ZNF454: variants seen among roughly 807,000 people sequenced by gnomAD.
ZNF454 encodes the protein zinc finger protein 454.
Under a neutral mutation model 48.2 loss-of-function variants are expected in ZNF454, and 30 were observed. The ratio of observed to expected loss-of-function variants is 0.62; its 90% confidence interval spans 0.47 to 0.84. The LOEUF (loss-of-function observed/expected upper bound fraction) is 0.84, where lower values mean the gene tolerates loss of function less well. ZNF454 is among the 40% of genes least tolerant of loss of function. The pLI is 0.00. For missense variants in ZNF454, 510 were observed against 623.1 expected (o/e 0.82, Z 1.93); for synonymous variants, 204 against 211.4 (o/e 0.97, Z 0.30).
intron 4 of ZNF454, among the ~76,000 whole-genome samples, chr5:178,950,592 C>G (rs1350207293): frequency 6.6e-6 from 1 of 152,188 alleles, no homozygotes; most frequent in East Asian, 1.9e-4. Flanking sequence ...AAAGGCTCAC[C>G]AATGCTCGGT....
the ZNF454 span, chr5:178,982,788 G>A: frequency 1.4e-6 from 1 of 725,794 alleles, no homozygotes; most frequent in East Asian, 2.7e-5. Context: ...GGGAATGAGT[G>A]AATGAACAAG....
chr5:178,989,211 ACCCTC>A, the ZNF454 span: 4 of 121,730 alleles, frequency 3.3e-5, no homozygotes, highest in Non-Finnish European at 5.3e-5. Flanking sequence ...CCCCCTCCCC[ACCCTC>A]ACCACCCTCC....
rs766156003 is a variant in ZNF454, at chr5:178,965,478, T to C, written c.1074T>C (p.Cys358=). Residue 358 remains cysteine (C), a synonymous_variant, in exon 5 of 5, where the codon TGT becomes TGC. Transcript: ENST00000519564. This position sits in a 1 kb window ranked among gnomAD's most constrained non-coding sequence, Gnocchi z 5.2. ...RIHTGEKPFE[C]NECGKAFRVN... Reference sequence around the variant, plus strand: ...ACACTGGAGAGAAACCCTTTGAATGTAATGAATGTGGGAAGGCCTTCAGGG... The same window carrying C: ...ACACTGGAGAGAAACCCTTTGAATGCAATGAATGTGGGAAGGCCTTCAGGG... 5.6e-6 allele frequency: 9 copies of C among 1,614,060 alleles called. No individual in the cohort carries two copies. The highest frequency in any genetic ancestry group is 3.3e-4 in the Middle Eastern group (2 of 6,084).
At chr5:178,985,651 T>A in the ZNF454 span, 26 of 382,482 alleles carry the variant, frequency 6.8e-5, no homozygotes, top group Admixed American at 2.8e-4. Flanking sequence ...TGCAGGGAGC[T>A]GAGATAGTGC....
the ZNF454 span, chr5:178,976,109 C>T: frequency 5.9e-5 from 27 of 455,830 alleles, no homozygotes; most frequent in East Asian, 7.7e-4. Flanking sequence ...CTTGCCACTC[C>T]GCCTGCAGGA....
chr5:178,973,236 G>C, the ZNF454 span, among the ~76,000 whole-genome samples: 1 of 150,896 alleles, frequency 6.6e-6, no homozygotes, highest in Non-Finnish European at 1.5e-5. Flanking sequence ...AGGCCCATTA[G>C]TTCATGCAGG....
chr5:178,959,212 G>C lies in ZNF454; in HGVS notation c.251-5443G>C, dbSNP rs117329971. On this transcript the variant is annotated intron_variant, in intron 4 of 4. Transcript: ENST00000519564. ...GTATCCAGTTGACCCAGGATCACTT[G>C]CTAGAAAGACTGCCTTTTCCCCCAT... Among the ~76,000 whole-genome samples the C allele has an allele frequency of 8.8e-3, 1,335 of 152,244 alleles. 54 individuals are homozygous for C. Among genetic ancestry groups the C allele is most frequent in the Admixed American group, 0.067 (1,027 of 15,284 alleles).
intron 2 of ZNF454, among the ~76,000 whole-genome samples, chr5:178,945,717 G>A (rs375727667): frequency 9.4e-4 from 143 of 151,898 alleles, no homozygotes; most frequent in African/African-American, 3.0e-3. Flanking sequence ...GTATGGGTGT[G>A]TGTGTGTGTT....
At chr5:178,982,863 C>A in the ZNF454 span, 1 of 1,367,962 alleles carries the variant, frequency 7.3e-7, no homozygotes, top group South Asian at 1.2e-5. Context: ...ATCGACCAGC[C>A]TGACAGGCAG....
the ZNF454 span, among the ~76,000 whole-genome samples, chr5:178,976,569 G>C: frequency 6.6e-6 from 1 of 152,152 alleles, no homozygotes; most frequent in African/African-American, 2.4e-5. Context: ...TGGTAGGACT[G>C]GGAGGATCAA....
intron 4 of ZNF454, among the ~76,000 whole-genome samples, chr5:178,953,077 T>C (rs1759619891): frequency 1.3e-5 from 2 of 152,332 alleles, no homozygotes; most frequent in South Asian, 4.1e-4. Context: ...ATTTGATATA[T>C]TTGCTTCCAT....
At chr5:178,989,393 T>C in the ZNF454 span, 1 of 1,614,076 alleles carries the variant, frequency 6.2e-7, no homozygotes, top group Non-Finnish European at 8.5e-7. Context: ...AGTCATGAAG[T>C]ACTGGTCAAA....
chr5:178,948,894 A>G (rs1335438725), intron 4 of ZNF454, among the ~76,000 whole-genome samples: 3 of 129,766 alleles, frequency 2.3e-5, no homozygotes, highest in African/African-American at 8.8e-5. Context: ...GATATAAATT[A>G]TATGTACACA....
chr5:178,970,897 GCCCGAGCC>G (rs1665378262), downstream of ZNF454, among the ~76,000 whole-genome samples: 1 of 152,136 alleles, frequency 6.6e-6, no homozygotes, highest in South Asian at 2.1e-4. Context: ...AGCCAGCCTG[GCCCGAGCC>G]CCCCACAATG....
At chr5:178,967,275 G>T (rs181601861), downstream of ZNF454, among the ~76,000 whole-genome samples, 154 of 152,226 alleles carry the variant, frequency 1.0e-3, no homozygotes, top group African/African-American at 3.3e-3. Context: ...ATCTGTCGCT[G>T]CCCATTTCTC....
At chr5:178,985,424 C>T in the ZNF454 span, 1 of 355,048 alleles carries the variant, frequency 2.8e-6, no homozygotes, top group South Asian at 2.1e-5. Flanking sequence ...AAAAAACTCA[C>T]TGGGCGCAGC....
the ZNF454 span, chr5:178,989,235 CCCACCCTCA>C: frequency 2.8e-4 from 400 of 1,435,512 alleles, no homozygotes; most frequent in Non-Finnish European, 3.6e-4. Context: ...CCCCACCCTC[CCCACCCTCA>C]CCACCCTGGG....
At chr5:178,981,941 T>G in the ZNF454 span, 2 of 899,458 alleles carry the variant, frequency 2.2e-6, no homozygotes, top group Non-Finnish European at 1.9e-6. This position sits in a 1 kb window ranked among gnomAD's most constrained non-coding sequence, Gnocchi z 5.1. Context: ...ACTCTGGAGC[T>G]GAGTCTGTTT....
the ZNF454 span, among the ~76,000 whole-genome samples, chr5:178,973,383 A>G: frequency 6.6e-6 from 1 of 152,164 alleles, no homozygotes; most frequent in South Asian, 2.1e-4. Context: ...GTTTCCAATT[A>G]TTTTTCTTTC....
Sources: gnomAD v4.1 joint callset for allele counts (sites outside exome capture counted in the v4.1 genomes callset) on GRCh38, gnomAD v4.1.1 for gene constraint, Gnocchi (gnomAD v3.1) non-coding constraint, MANE v1.5 for transcripts, NCBI Gene and HGNC (gene_info 2026-07-23, HGNC 2026-07-21) for gene names.